Variants in ARID1B observed in about 807,000 individuals in gnomAD.
ARID1B encodes AT-rich interaction domain 1B, also known as AT-rich interactive domain-containing protein 1B.
A neutral mutation model predicts 212.3 loss-of-function variants in ARID1B; 30 were observed. That is an observed-to-expected ratio of 0.14 (90% CI 0.11 to 0.19). The LOEUF (loss-of-function observed/expected upper bound fraction) is 0.19. Among genes scored for constraint, ARID1B ranks in the 10% least tolerant of loss-of-function variants. ARID1B has a pLI of 1.00. For missense variants in ARID1B, 2,891 were observed against 3,204.0 expected, an observed-to-expected ratio of 0.90 and a Z score of 2.36; for synonymous variants, 1,402 against 1,301.7, an observed-to-expected ratio of 1.08 and a Z score of -1.66.
intron 2 of ARID1B, among the ~76,000 whole-genome samples, chr6:156,893,082 A>C (rs1788088968): frequency 9.5e-6 from 1 of 105,140 alleles, no homozygotes; most frequent in Non-Finnish European, 1.7e-5. Context: ...TTGCCCTGTC[A>C]CCCAGGCTGG....
chr6:156,855,023 T>C (rs1784819706), intron 2 of ARID1B, among the ~76,000 whole-genome samples: 1 of 152,070 alleles, frequency 6.6e-6, no homozygotes, highest in African/African-American at 2.4e-5. Context: ...TTCGGGGCAG[T>C]TGGGGTTGGG....
At chr6:156,904,158 A>G (rs886467126) in intron 3 of ARID1B, among the ~76,000 whole-genome samples, 1 of 152,192 alleles carries the variant, frequency 6.6e-6, no homozygotes, top group Admixed American at 6.5e-5. Flanking sequence ...TCTTTATATC[A>G]AGAAGCACAA....
chr6:157,184,571 T>G (rs1562331878), intron 13 of ARID1B, 136 bp downstream of exon 13: 1 of 1,034,990 alleles, frequency 9.7e-7, no homozygotes. Context: ...TGTGTCGTTT[T>G]GTTTATTTAA....
intron 4 of ARID1B, among the ~76,000 whole-genome samples, chr6:157,046,573 T>C (rs1233530962): frequency 6.6e-6 from 1 of 152,204 alleles, no homozygotes; most frequent in East Asian, 1.9e-4. Flanking sequence ...CCTGTATTCA[T>C]TGGAAGTACA....
intron 3 of ARID1B, among the ~76,000 whole-genome samples, chr6:156,915,461 A>C (rs1327941764): frequency 6.6e-6 from 1 of 151,988 alleles, no homozygotes; most frequent in Admixed American, 6.6e-5. Context: ...TCAGCTACTC[A>C]GGAGGCTGAG....
intron 4 of ARID1B, among the ~76,000 whole-genome samples, chr6:157,025,332 GT>G (rs1204607851): frequency 6.6e-6 from 1 of 152,210 alleles, no homozygotes; most frequent in Non-Finnish European, 1.5e-5. Context: ...CAAGATGAAA[GT>G]TTTCTGAGCA....
At position 157,161,431 on chromosome 6, in the gene ARID1B, G is replaced by GTATATATATATATATA. The variant is rs199731974; in HGVS notation, c.3090-5601_3090-5586dup. Among the ~76,000 whole-genome samples, 636 of 139,318 alleles carry GTATATATATATATATA rather than the reference G, an allele frequency of 4.6e-3. 7 individuals are homozygous for GTATATATATATATATA. Among genetic ancestry groups the GTATATATATATATATA allele is most frequent in the African/African-American group, 0.016 (561 of 35,774 alleles). 91.4% of individuals were successfully genotyped at this position (139,318 alleles called of 152,430 possible). A position where few individuals can be genotyped will look rare whatever the true frequency, so the allele number is the denominator to read the frequency against. On this transcript the variant is annotated intron_variant, in intron 8 of 19. Transcript: ENST00000636930. ...TATTTTCTGTTTTGATTGTGTGTGT[G>GTATATATATATATATA]TATATATATATATATATATATATTT...
intron 6 of ARID1B, among the ~76,000 whole-genome samples, chr6:157,132,780 A>G (rs1393007342): frequency 6.6e-6 from 1 of 152,146 alleles, no homozygotes; most frequent in Non-Finnish European, 1.5e-5. Flanking sequence ...TCCCCTCCCT[A>G]ATTGAAGTCC....
At position 157,148,139 on chromosome 6, in the gene ARID1B, T is replaced by C. The variant is rs1789936493; in HGVS notation, c.2762-485T>C. ...CGCGTGACACCTTCCTGTGGGGTTT[T>C]AAAGGATGATTTTGACCATATGTGC... On this transcript the variant is annotated intron_variant, in intron 7 of 19. Transcript: ENST00000636930. The surrounding 1 kb of genome is among the most constrained non-coding windows in gnomAD (Gnocchi z 5.6). 6.6e-6 allele frequency among the ~76,000 whole-genome samples: 1 copy of C among 152,032 alleles called. No homozygotes were observed. Among genetic ancestry groups the C allele is most frequent in the South Asian group, 2.1e-4 (1 of 4,812 alleles).
chr6:156,809,474 T>A (rs1041057737), intron 1 of ARID1B, among the ~76,000 whole-genome samples: 2 of 152,160 alleles, frequency 1.3e-5, no homozygotes, highest in African/African-American at 4.8e-5. Flanking sequence ...TGCAGTGTAA[T>A]CTTTCCATAT....
At chr6:156,981,512 GA>G (rs1358003354) in intron 4 of ARID1B, among the ~76,000 whole-genome samples, 1 of 152,098 alleles carries the variant, frequency 6.6e-6, no homozygotes, top group Non-Finnish European at 1.5e-5. Flanking sequence ...TATTTCTTTA[GA>G]AATGTACATA....
intron 4 of ARID1B, among the ~76,000 whole-genome samples, chr6:157,008,213 G>C (rs1315382041): frequency 5.3e-5 from 8 of 151,912 alleles, no homozygotes; most frequent in Non-Finnish European, 1.0e-4. Flanking sequence ...TATTTCAGTG[G>C]CATTAAGTAC....
intron 4 of ARID1B, among the ~76,000 whole-genome samples, chr6:157,057,143 C>T (rs1181609036): frequency 4.0e-5 from 6 of 151,490 alleles, no homozygotes; most frequent in African/African-American, 1.2e-4. Flanking sequence ...ACTACAGGTG[C>T]GTGCCACCAT....
intron 4 of ARID1B, among the ~76,000 whole-genome samples, chr6:157,027,867 G>A (rs1780758238): frequency 6.6e-6 from 1 of 152,194 alleles, no homozygotes; most frequent in African/African-American, 2.4e-5. Context: ...AGGGATTTAA[G>A]TATGATCAAA....
intron 2 of ARID1B, among the ~76,000 whole-genome samples, chr6:156,897,209 G>GCTTCTT (rs1788493760): frequency 5.5e-5 from 4 of 73,052 alleles, no homozygotes; most frequent in African/African-American, 1.9e-4. Flanking sequence ...TGCTGCTGCT[G>GCTTCTT]CTGCTGCTGC....
intron 7 of ARID1B, chr6:157,140,967 C>T (rs1046694725): frequency 7.0e-6 from 2 of 286,944 alleles, no homozygotes; most frequent in Admixed American, 1.0e-4. Flanking sequence ...CTCTTGTCTT[C>T]ATTCACTGCT....
rs2068129 is a variant in ARID1B at position 157,201,214 on chromosome 6, C to T, written c.4989C>T (p.Tyr1663=). ...QPITRPPQPS[Y]QTPPSLPNHI... ...TCACACGCCCACCACAGCCGTCCTA[C>T]CAGACGCCACCGTCACTGCCAAATC... The change falls in exon 18 of 20, where the codon TAC becomes TAT. Residue 1663 remains tyrosine (Y), a synonymous_variant. Coordinates refer to ENST00000636930, the MANE Select transcript of ARID1B (RefSeq NM_001374828.1). This position sits in a 1 kb window ranked among gnomAD's most constrained non-coding sequence, Gnocchi z 5.2. 102 of 1,613,908 alleles carry T rather than the reference C, an allele frequency of 6.3e-5. No homozygotes were observed. In the African/African-American group the frequency reaches 1.2e-3, roughly 19 times the overall value.
intron 1 of ARID1B, among the ~76,000 whole-genome samples, chr6:156,806,822 AGAT>A (rs1255028739): frequency 2.6e-5 from 4 of 152,356 alleles, no homozygotes; most frequent in African/African-American, 9.6e-5. Flanking sequence ...TTTCTGGGCC[AGAT>A]GATGTTTGTT....
chr6:156,821,744 C>G (rs1300538435), intron 1 of ARID1B, among the ~76,000 whole-genome samples: 1 of 152,174 alleles, frequency 6.6e-6, no homozygotes, highest in Non-Finnish European at 1.5e-5. Flanking sequence ...GGATGGGTTT[C>G]TAGATTAGAT....
Sources: gnomAD v4.1 joint callset for allele counts (sites outside exome capture counted in the v4.1 genomes callset) on GRCh38, gnomAD v4.1.1 for gene constraint, Gnocchi (gnomAD v3.1) non-coding constraint, MANE v1.5 for transcripts, NCBI Gene and HGNC (gene_info 2026-07-23, HGNC 2026-07-21) for gene names.